The following FAT3 variants were observed in gnomAD, a reference collection of about 807,000 sequenced individuals.
FAT3 encodes the protein FAT atypical cadherin 3.
FAT3 carries 95 observed loss-of-function variants against 310.2 expected under a neutral mutation model. The observed-to-expected ratio is 0.31, with a 90% CI of 0.26 to 0.36. The LOEUF (loss-of-function observed/expected upper bound fraction) is 0.36, where lower values mean the gene tolerates loss of function less well. Among genes scored for constraint, FAT3 ranks in the 10% least tolerant of loss-of-function variants. FAT3 has a pLI of 1.00. For missense variants in FAT3, 5,408 were observed against 5,715.6 expected (o/e 0.95, Z 1.74); for synonymous variants, 2,314 against 2,192.9 (o/e 1.06, Z -1.54).
chr11:92,432,754 C>G (rs11019954), intron 2 of FAT3, among the ~76,000 whole-genome samples: 24,463 of 152,142 alleles, frequency 0.16, 2,281 homozygotes, highest in East Asian at 0.29. Context: ...TCCCTTAGCT[C>G]GAGCACTGTG....
At chr11:92,737,682 G>A (rs1318472633) in intron 4 of FAT3, among the ~76,000 whole-genome samples, 2 of 152,002 alleles carry the variant, frequency 1.3e-5, no homozygotes, top group South Asian at 2.1e-4. Context: ...AAAATAAGCA[G>A]TCAGAATTTT....
chr11:92,840,496 G>A, intron 17 of FAT3, 66 bp from the exon 18 acceptor site: 2 of 1,385,348 alleles, frequency 1.4e-6, no homozygotes, highest in Non-Finnish European at 1.9e-6. Flanking sequence ...GTTTTGTTTT[G>A]TTTTAATGAA....
At chr11:92,557,920 T>G (rs1030141566) in intron 3 of FAT3, among the ~76,000 whole-genome samples, 1 of 152,334 alleles carries the variant, frequency 6.6e-6, no homozygotes, top group Non-Finnish European at 1.5e-5. Flanking sequence ...GGATTGCCTT[T>G]GACAAAATGT....
chr11:92,571,771 T>C (rs1429164407), intron 3 of FAT3, among the ~76,000 whole-genome samples: 1 of 152,226 alleles, frequency 6.6e-6, no homozygotes, highest in East Asian at 1.9e-4. Context: ...TTTCTTTATC[T>C]ATATCTCCCT....
intron 2 of FAT3, among the ~76,000 whole-genome samples, chr11:92,480,644 G>T (rs1952197237): frequency 6.6e-6 from 1 of 152,196 alleles, no homozygotes; most frequent in Non-Finnish European, 1.5e-5. Context: ...TGATGCATGT[G>T]GCTTTTCCTG....
chr11:92,810,310 T>C (rs1225108788), intron 13 of FAT3, among the ~76,000 whole-genome samples: 1 of 152,246 alleles, frequency 6.6e-6, no homozygotes, highest in Non-Finnish European at 1.5e-5. Flanking sequence ...AGAAGTCTTT[T>C]ACCTTTTAGC....
At chr11:92,401,314 A>G (rs1950008224) in intron 2 of FAT3, among the ~76,000 whole-genome samples, 1 of 152,128 alleles carries the variant, frequency 6.6e-6, no homozygotes, top group Non-Finnish European at 1.5e-5. Context: ...GAGGACCCTC[A>G]TGGCTCTGGG....
At chr11:92,269,494 T>C (rs1461693608) in intron 1 of FAT3, among the ~76,000 whole-genome samples, 2 of 152,198 alleles carry the variant, frequency 1.3e-5, no homozygotes, top group Non-Finnish European at 2.9e-5. Context: ...ACATATACTT[T>C]GAACAAGCAG....
chr11:92,636,536 G>A (rs1452531526), intron 3 of FAT3, among the ~76,000 whole-genome samples: 4 of 152,158 alleles, frequency 2.6e-5, no homozygotes, highest in Non-Finnish European at 4.4e-5. Context: ...GTTGGGCAGT[G>A]AGTTTTAGTA....
At chr11:92,421,857 A>T (rs2095048025) in intron 2 of FAT3, among the ~76,000 whole-genome samples, 1 of 152,182 alleles carries the variant, frequency 6.6e-6, no homozygotes, top group Non-Finnish European at 1.5e-5. Flanking sequence ...CTGAGCCCTC[A>T]TAGCTCCTCC....
chr11:92,811,706 T>C (rs1171124965), intron 13 of FAT3, among the ~76,000 whole-genome samples: 1 of 152,096 alleles, frequency 6.6e-6, no homozygotes, highest in Non-Finnish European at 1.5e-5. Flanking sequence ...GATCTACTCA[T>C]TTTTTGCTAA....
At chr11:92,317,949 G>A (rs932250109) in intron 1 of FAT3, among the ~76,000 whole-genome samples, 2 of 152,148 alleles carry the variant, frequency 1.3e-5, no homozygotes, top group Non-Finnish European at 2.9e-5. Context: ...AGTGACAGGA[G>A]GGAGTTATTC....
intron 2 of FAT3, among the ~76,000 whole-genome samples, chr11:92,361,012 T>G (rs1948866953): frequency 6.6e-6 from 1 of 152,248 alleles, no homozygotes; most frequent in Admixed American, 6.5e-5. Flanking sequence ...GTTATTGCTA[T>G]ATAACAAACA....
At chr11:92,698,720 C>G (rs769340567) in intron 4 of FAT3, among the ~76,000 whole-genome samples, 8 of 151,860 alleles carry the variant, frequency 5.3e-5, no homozygotes, top group Non-Finnish European at 1.0e-4. Context: ...TTTCAAAATC[C>G]TTTTAACAGG....
At chr11:92,329,802 T>C (rs1288210596) in intron 1 of FAT3, among the ~76,000 whole-genome samples, 3 of 1,836 alleles carry the variant, frequency 1.6e-3, no homozygotes, top group African/African-American at 5.1e-3. Flanking sequence ...GTTAGCTTTT[T>C]CCAAACCTTT....
chr11:92,282,557 C>G (rs765971107), intron 1 of FAT3, among the ~76,000 whole-genome samples: 1 of 151,464 alleles, frequency 6.6e-6, no homozygotes, highest in South Asian at 2.1e-4. Context: ...CCCAGCTACT[C>G]GGGAGGCTGA....
At position 92,889,221 on chromosome 11, in the gene FAT3, A is replaced by G. The variant is rs78670525; in HGVS notation, c.13084A>G (p.Asn4362Asp). The change falls in exon 26 of 28, where the codon AAT (asparagine) becomes GAT (aspartate). Residue 4362 changes from asparagine to aspartate, a missense_variant. Asn to Asp is a conservative substitution (Grantham distance 23). Coordinates refer to ENST00000525166, the MANE Select transcript of FAT3 (RefSeq NM_001367949.2). Reference protein sequence around the residue: ...SIVTVIQLVNNVVDTIENEVS... With the variant: ...SIVTVIQLVNDVVDTIENEVS... ...AGTGACTGTCATTCAGCTTGTCAAC[A>G]ATGTAGTTGACACTATAGAGAATGA... is the stretch of plus-strand genomic sequence containing the variant. The G allele has an allele frequency of 9.4e-3, 6,696 of 714,448 alleles. 312 individuals carry two copies. The African/African-American group carries it at 0.099, about 11-fold the overall frequency. 44.3% of individuals were successfully genotyped at this position (714,448 alleles called of 1,614,324 possible).
At chr11:92,843,593 T>C (rs961286648) in intron 18 of FAT3, among the ~76,000 whole-genome samples, 1 of 152,244 alleles carries the variant, frequency 6.6e-6, no homozygotes, top group Non-Finnish European at 1.5e-5. Flanking sequence ...GACCACTTTA[T>C]GAGGTTTCCC....
intron 4 of FAT3, among the ~76,000 whole-genome samples, chr11:92,750,373 CT>C (rs1387505129): frequency 6.6e-6 from 1 of 152,136 alleles, no homozygotes; most frequent in Non-Finnish European, 1.5e-5. Context: ...GCAGTGTTGA[CT>C]GACAAAATTA....
Sources: allele counts gnomAD v4.1 joint callset (sites outside exome capture counted in the v4.1 genomes callset), GRCh38; gene constraint gnomAD v4.1.1; transcripts MANE v1.5; gene names NCBI Gene and HGNC (gene_info 2026-07-23, HGNC 2026-07-21).